STX11: variants seen among roughly 807,000 people sequenced by gnomAD.
STX11 encodes the protein syntaxin 11.
STX11 carries 21 observed loss-of-function variants against 19.9 expected under a neutral mutation model. The ratio of observed to expected loss-of-function variants is 1.06; its 90% CI spans 0.75 to 1.52. The LOEUF (loss-of-function observed/expected upper bound fraction) is 1.52. Ranked by LOEUF, STX11 falls within the 40% of genes most tolerant of loss-of-function variation. The probability of loss-of-function intolerance (pLI) is 0.00; values close to 1 mark genes in which losing one functional copy is unlikely to be tolerated. For missense variants in STX11, 438 were observed against 405.9 expected (o/e 1.08, Z -0.68); for synonymous variants, 193 against 174.4 (o/e 1.11, Z -0.84).
intron 1 of STX11, among the ~76,000 whole-genome samples, chr6:144,156,751 TACA>T (rs765240966): frequency 1.3e-5 from 2 of 152,330 alleles, no homozygotes; most frequent in Admixed American, 6.5e-5. Context: ...TCTGTAATAA[TACA>T]ACATTTCCCA....
Position 144,187,623 on chromosome 6 carries a change from C to A in STX11, c.*132C>A. The A allele has an allele frequency of 8.0e-7, 1 of 1,254,534 alleles. No homozygotes were observed. The highest frequency in any genetic ancestry group is 1.1e-6 in the Non-Finnish European group (1 of 896,094). The allele number at this position is 1,254,534 out of a possible 1,614,324, so 77.7% of individuals were successfully genotyped here. On this transcript the variant is annotated 3_prime_UTR_variant, in exon 2 of 2. Transcript: ENST00000367568. The surrounding 1 kb of genome is among the most constrained non-coding windows in gnomAD (Gnocchi z 5.6). ...CGGAACTCAGTCTTTAGAAAAGAAA[C>A]GCCAGGTTCAAGAATTGCAAACCAG...
In STX11 at chr6:144,151,256, G is replaced by A. The variant is rs1189462418; in HGVS notation, c.-6+553G>A. 3 of 985,238 alleles carry A rather than the reference G, an allele frequency of 3.0e-6. No homozygotes were observed. The highest frequency in any genetic ancestry group is 3.6e-6 in the Non-Finnish European group (3 of 829,894). 61.0% of individuals were successfully genotyped at this position (985,238 alleles called of 1,614,324 possible). On this transcript the variant is annotated intron_variant, in intron 1 of 1. Transcript: ENST00000367568. The surrounding 1 kb of genome is among the most constrained non-coding windows in gnomAD (Gnocchi z 4.6). The stretch of plus-strand genomic sequence containing the variant: ...TTTAGAAACATGGAGAGAAGTAGTG[G>A]CAATGCCTGCGAGAGCCACGCCGTC...
At position 144,189,951 on chromosome 6, in the gene STX11, A is replaced by G. The variant is rs2128758682; in HGVS notation, c.*2460A>G. 6.6e-6 allele frequency among the ~76,000 whole-genome samples: 1 copy of G among 152,360 alleles called. No individual in the cohort carries two copies. The highest frequency in any genetic ancestry group is 2.4e-5 in the African/African-American group (1 of 41,590). On this transcript the variant is annotated 3_prime_UTR_variant, in exon 2 of 2. Coordinates refer to ENST00000367568, the MANE Select transcript of STX11 (RefSeq NM_003764.4). ...GAGACTGCCAGCCAGTTTCCACAAA[A>G]AAACGAAGAGTTCATAAATTTGACA...
chr6:144,150,600 C>T lies in STX11; in HGVS notation c.-109C>T. On this transcript the variant is annotated 5_prime_UTR_variant, in exon 1 of 2. Transcript: ENST00000367568. ...CAGGAGGCGCCGGGAGCGGAGCCGC[C>T]GGGAGTCGCGCAACAGGTTTCCTTC... 4.1e-6 allele frequency: 4 copies of T among 985,392 alleles called. No individual in the cohort carries two copies. The highest frequency in any genetic ancestry group is 4.8e-6 in the Non-Finnish European group (4 of 829,940). The allele number at this position is 985,392 out of a possible 1,614,324, so 61.0% of individuals were successfully genotyped here.
chr6:144,187,655 C>A lies in STX11; in HGVS notation c.*164C>A. The A allele has an allele frequency of 2.2e-6, 2 of 913,152 alleles. No individual in the cohort carries two copies. Among genetic ancestry groups the A allele is most frequent in the Non-Finnish European group, 1.7e-6 (1 of 598,018 alleles). 56.6% of individuals were successfully genotyped at this position (913,152 alleles called of 1,614,324 possible). A position where few individuals can be genotyped will look rare whatever the true frequency, so the allele number is the denominator to read the frequency against. Reference sequence around the variant, plus strand: ...TTCAAGAATTGCAAACCAGCCTGTGCTTGGAAAGATGGTTAGTTGATACCG... The same window carrying A: ...TTCAAGAATTGCAAACCAGCCTGTGATTGGAAAGATGGTTAGTTGATACCG... On this transcript the variant is annotated 3_prime_UTR_variant, in exon 2 of 2. Transcript: ENST00000367568. The surrounding 1 kb of genome is among the most constrained non-coding windows in gnomAD (Gnocchi z 5.6).
rs1286961312 is a variant in STX11 at position 144,151,648 on chromosome 6, A to G, written c.-6+945A>G. Among the ~76,000 whole-genome samples, 1 of 152,222 alleles carries G rather than the reference A, an allele frequency of 6.6e-6. No individual in the cohort carries two copies. Among genetic ancestry groups the G allele is most frequent in the Admixed American group, 6.5e-5 (1 of 15,282 alleles). ...AACCATTGAAATCATGTGCTTTGCC[A>G]CAGATGCCCAAGAGAAAATTAATTT... On this transcript the variant is annotated intron_variant, in intron 1 of 1. Transcript: ENST00000367568. This position sits in a 1 kb window ranked among gnomAD's most constrained non-coding sequence, Gnocchi z 4.6.
intron 1 of STX11, among the ~76,000 whole-genome samples, chr6:144,168,047 A>C (rs563015465): frequency 2.6e-5 from 4 of 152,208 alleles, no homozygotes; most frequent in Non-Finnish European, 4.4e-5. Context: ...AAATACCTAT[A>C]CCCACTGTTA....
In STX11 at chr6:144,175,558, C is replaced by T. The variant is rs557821315; in HGVS notation, c.-5-11065C>T. On this transcript the variant is annotated intron_variant, in intron 1 of 1. Coordinates refer to ENST00000367568, the MANE Select transcript of STX11 (RefSeq NM_003764.4). This position sits in a 1 kb window ranked among gnomAD's most constrained non-coding sequence, Gnocchi z 5.1. ...CTGAACTTAGGTGATCCACACACTT[C>T]GGCCTCTCAAAGTGCTGGGATTACA... 1.3e-5 allele frequency among the ~76,000 whole-genome samples: 2 copies of T among 152,274 alleles called. No individual in the cohort carries two copies. Among genetic ancestry groups the T allele is most frequent in the African/African-American group, 2.4e-5 (1 of 41,558 alleles).
At chr6:144,150,492 G>A (rs1284814072), upstream of STX11, 1 of 985,126 alleles carries the variant, frequency 1.0e-6, no homozygotes, top group African/African-American at 1.7e-5. Context: ...CTTCCTAAGC[G>A]GCGGGGGCTG....
In STX11 at chr6:144,151,444, T is replaced by C. The variant is rs1801004474; in HGVS notation, c.-6+741T>C. 1 of 984,606 alleles carries C rather than the reference T, an allele frequency of 1.0e-6. No homozygotes were observed. The allele number at this position is 984,606 out of a possible 1,614,324, so 61.0% of individuals were successfully genotyped here. On this transcript the variant is annotated intron_variant, in intron 1 of 1. Transcript: ENST00000367568. This position sits in a 1 kb window ranked among gnomAD's most constrained non-coding sequence, Gnocchi z 4.6. ...AGTCACAGGGCTGCTCTCTTAATTG[T>C]GAGACTTTGTTAATGAACTTTTGAA...
chr6:144,161,153 A>G (rs1801327086), intron 1 of STX11, among the ~76,000 whole-genome samples: 2 of 152,328 alleles, frequency 1.3e-5, no homozygotes, highest in South Asian at 4.1e-4. Context: ...AATGAGCTCC[A>G]TTTATTATAT....
intron 1 of STX11, among the ~76,000 whole-genome samples, chr6:144,179,655 C>T (rs1381314935): frequency 6.6e-6 from 1 of 152,180 alleles, no homozygotes; most frequent in African/African-American, 2.4e-5. Context: ...GAGAGACTGG[C>T]AATCCAACCA....
At position 144,176,211 on chromosome 6, in the gene STX11, C is replaced by G. The variant is rs902304806; in HGVS notation, c.-5-10412C>G. On this transcript the variant is annotated intron_variant, in intron 1 of 1. Coordinates refer to ENST00000367568, the MANE Select transcript of STX11 (RefSeq NM_003764.4). This position sits in a 1 kb window ranked among gnomAD's most constrained non-coding sequence, Gnocchi z 4.1. ...CTAGCGCCTCCCGACCTAGTACCTC[C>G]CCACACTAGCGCCTCCCACCCTAAC... Among the ~76,000 whole-genome samples, 23 of 151,944 alleles carry G rather than the reference C, an allele frequency of 1.5e-4. No homozygotes were observed. The highest frequency in any genetic ancestry group is 1.4e-3 in the Admixed American group (21 of 15,252).
rs75416219 is a variant in STX11 at position 144,165,478 on chromosome 6, A to C, written c.-6+14775A>C. ...CTCAAAAAAAAAAAGAAAAACAAAAAAGAAAAATTTTCTTTACAATAAGTG... is the reference window on the plus strand; with the variant it reads ...CTCAAAAAAAAAAAGAAAAACAAAACAGAAAAATTTTCTTTACAATAAGTG... On this transcript the variant is annotated intron_variant, in intron 1 of 1. Transcript: ENST00000367568. The surrounding 1 kb of genome is among the most constrained non-coding windows in gnomAD (Gnocchi z 5.8). Among the ~76,000 whole-genome samples the C allele has an allele frequency of 0.1, 15,769 of 152,050 alleles. 1,352 individuals are homozygous for C. Among genetic ancestry groups the C allele is most frequent in the East Asian group, 0.46 (2,392 of 5,158 alleles).
At chr6:144,146,807 C>G (rs1227571752), upstream of STX11, among the ~76,000 whole-genome samples, 1 of 152,006 alleles carries the variant, frequency 6.6e-6, no homozygotes, top group Non-Finnish European at 1.5e-5. The surrounding 1 kb of genome is among the most constrained non-coding windows in gnomAD (Gnocchi z 4.4). Context: ...TCCTCCTACC[C>G]TGTCCTCCCA....
chr6:144,176,911 C>T lies in STX11; in HGVS notation c.-5-9712C>T, dbSNP rs114064563. Among the ~76,000 whole-genome samples, 671 of 152,284 alleles carry T rather than the reference C, an allele frequency of 4.4e-3. 3 individuals carry two copies. Among genetic ancestry groups the T allele is most frequent in the African/African-American group, 0.015 (641 of 41,566 alleles). ...GTTACTTACATGGAAAACCCTCATG[C>T]ATTGATGATGTTGGATAACTCAGAT... On this transcript the variant is annotated intron_variant, in intron 1 of 1. Coordinates refer to ENST00000367568, the MANE Select transcript of STX11 (RefSeq NM_003764.4). The surrounding 1 kb of genome is among the most constrained non-coding windows in gnomAD (Gnocchi z 4.1).
At position 144,162,470 on chromosome 6, in the gene STX11, C is replaced by A. The variant is rs940942224; in HGVS notation, c.-6+11767C>A. Among the ~76,000 whole-genome samples the A allele has an allele frequency of 1.3e-5, 2 of 152,224 alleles. No homozygotes were observed. Among genetic ancestry groups the A allele is most frequent in the East Asian group, 1.9e-4 (1 of 5,188 alleles). The stretch of plus-strand genomic sequence containing the variant: ...CCTTTAGTGGAGTTTTGGAAGGGAG[C>A]AAAAGTAATGTTCAATTTGCTATTT... On this transcript the variant is annotated intron_variant, in intron 1 of 1. Coordinates refer to ENST00000367568, the MANE Select transcript of STX11 (RefSeq NM_003764.4). The surrounding 1 kb of genome is among the most constrained non-coding windows in gnomAD (Gnocchi z 4.6).
the STX11 span, among the ~76,000 whole-genome samples, chr6:144,142,900 G>T: frequency 6.6e-6 from 1 of 152,146 alleles, no homozygotes. Context: ...CTAAACTAGG[G>T]AACTTGAAAT....
At chr6:144,149,480 T>C (rs1461163016), upstream of STX11, among the ~76,000 whole-genome samples, 2 of 152,168 alleles carry the variant, frequency 1.3e-5, no homozygotes, top group East Asian at 3.9e-4. The surrounding 1 kb of genome is among the most constrained non-coding windows in gnomAD (Gnocchi z 5.1). Context: ...TTATTTTTTT[T>C]CTTCTCATTC....
Sources: allele counts gnomAD v4.1 joint callset (sites outside exome capture counted in the v4.1 genomes callset), GRCh38; gene constraint gnomAD v4.1.1; non-coding constraint Gnocchi (gnomAD v3.1); transcripts MANE v1.5; gene names NCBI Gene and HGNC (gene_info 2026-07-23, HGNC 2026-07-21).